Variants in CTNNA2 observed in about 807,000 individuals in gnomAD.
The protein encoded by CTNNA2 is catenin alpha 2.
Under a neutral mutation model 101.0 loss-of-function variants are expected in CTNNA2, and 42 were observed. The observed-to-expected ratio is 0.42, with a 90% CI of 0.32 to 0.54. The LOEUF (loss-of-function observed/expected upper bound fraction) is 0.54, where lower values mean the gene tolerates loss of function less well. CTNNA2 is among the 20% of genes least tolerant of loss of function. The pLI, the probability that CTNNA2 is intolerant of heterozygous loss-of-function variation, is 0.14. For synonymous variants in CTNNA2, 450 were observed against 456.4 expected, an observed-to-expected ratio of 0.99 and a Z score of 0.18; for missense variants, 871 against 1,223.1, an observed-to-expected ratio of 0.71 and a Z score of 4.29.
intron 2 of CTNNA2, among the ~76,000 whole-genome samples, chr2:79,275,297 G>A (rs1675183541): frequency 6.6e-6 from 1 of 151,908 alleles, no homozygotes; most frequent in Non-Finnish European, 1.5e-5. Context: ...CTAAGACCCC[G>A]GAAAAGATAA....
intron 1 of CTNNA2, among the ~76,000 whole-genome samples, chr2:79,623,232 A>G (rs1455730450): frequency 1.3e-5 from 2 of 152,054 alleles, no homozygotes; most frequent in African/African-American, 2.4e-5. Flanking sequence ...TGTATATGTT[A>G]TTTGCCATTT....
intron 2 of CTNNA2, among the ~76,000 whole-genome samples, chr2:79,728,028 C>T (rs1483952355): frequency 6.6e-6 from 1 of 152,118 alleles, no homozygotes; most frequent in Non-Finnish European, 1.5e-5. Context: ...AATAGTGCCA[C>T]AGTAAACATA....
At chr2:80,358,280 A>C (rs1341560488) in intron 7 of CTNNA2, among the ~76,000 whole-genome samples, 1 of 151,828 alleles carries the variant, frequency 6.6e-6, no homozygotes, top group Non-Finnish European at 1.5e-5. Flanking sequence ...CTGGCATGTA[A>C]TAGATATCAA....
At chr2:79,342,352 A>T (rs1003469847) in intron 3 of CTNNA2, among the ~76,000 whole-genome samples, 1 of 152,230 alleles carries the variant, frequency 6.6e-6, no homozygotes, top group African/African-American at 2.4e-5. Context: ...ATTTTGAAGC[A>T]AAATCTGGAC....
At chr2:79,623,585 A>G (rs544142116) in intron 1 of CTNNA2, among the ~76,000 whole-genome samples, 12 of 152,318 alleles carry the variant, frequency 7.9e-5, no homozygotes, top group African/African-American at 2.9e-4. Flanking sequence ...TCATAGTTCA[A>G]TTTTATATAT....
chr2:80,057,133 G>A (rs1295468584), intron 7 of CTNNA2, among the ~76,000 whole-genome samples: 1 of 150,050 alleles, frequency 6.7e-6, no homozygotes, highest in Non-Finnish European at 1.5e-5. Context: ...TTTACATAAA[G>A]CTTTTTAAAA....
chr2:80,328,682 T>C (rs1671042671), intron 7 of CTNNA2, among the ~76,000 whole-genome samples: 2 of 152,258 alleles, frequency 1.3e-5, no homozygotes. Flanking sequence ...GGTGTGTGAA[T>C]GTATTTGTGC....
intron 2 of CTNNA2, among the ~76,000 whole-genome samples, chr2:79,289,167 T>C (rs143172264): frequency 6.6e-6 from 1 of 152,208 alleles, no homozygotes; most frequent in East Asian, 1.9e-4. Context: ...TTATTGTCTT[T>C]GTGATTCGAG....
At chr2:79,332,658 TAG>T (rs1247772156) in intron 3 of CTNNA2, among the ~76,000 whole-genome samples, 1 of 152,186 alleles carries the variant, frequency 6.6e-6, no homozygotes, top group African/African-American at 2.4e-5. Context: ...GCTAAACAAT[TAG>T]AGTGTTGTAT....
At chr2:79,793,316 T>C (rs1675428753) in intron 3 of CTNNA2, among the ~76,000 whole-genome samples, 1 of 152,206 alleles carries the variant, frequency 6.6e-6, no homozygotes, top group African/African-American at 2.4e-5. Context: ...CAAATTCATG[T>C]TGGATCCCCT....
intron 3 of CTNNA2, among the ~76,000 whole-genome samples, chr2:79,829,166 G>T (rs1382931633): frequency 6.6e-6 from 1 of 152,096 alleles, no homozygotes; most frequent in Admixed American, 6.5e-5. Context: ...ATGTTTTGAT[G>T]ATCAGAGATA....
chr2:80,022,960 A>AT (rs1315600853), intron 7 of CTNNA2, among the ~76,000 whole-genome samples: 1 of 152,178 alleles, frequency 6.6e-6, no homozygotes, highest in Non-Finnish European at 1.5e-5. Flanking sequence ...AAAGACAACT[A>AT]TGTTGTCTTG....
chr2:79,701,207 C>T (rs1367092323), intron 2 of CTNNA2, among the ~76,000 whole-genome samples: 3 of 152,066 alleles, frequency 2.0e-5, no homozygotes, highest in Non-Finnish European at 2.9e-5. Context: ...CCACTTGTAT[C>T]CCACAGATGT....
At chr2:80,572,592 T>A (rs1420100480) in intron 12 of CTNNA2, 5 of 152,208 alleles carry the variant, frequency 3.3e-5, no homozygotes. Context: ...CAAATTCTAA[T>A]ATGTACAAAA....
At chr2:80,582,184 G>T (rs1050784293) in intron 14 of CTNNA2, among the ~76,000 whole-genome samples, 1 of 152,260 alleles carries the variant, frequency 6.6e-6, no homozygotes, top group Admixed American at 6.5e-5. Flanking sequence ...TCTTCCTGAA[G>T]TCTCCAAGCT....
At chr2:80,640,121 A>C (rs915827609) in intron 18 of CTNNA2, among the ~76,000 whole-genome samples, 1 of 151,888 alleles carries the variant, frequency 6.6e-6, no homozygotes, top group African/African-American at 2.4e-5. Flanking sequence ...AAAAAACAAA[A>C]AAGTCAGTAT....
intron 1 of CTNNA2, among the ~76,000 whole-genome samples, chr2:79,607,196 T>C (rs1677950618): frequency 6.6e-6 from 1 of 152,216 alleles, no homozygotes; most frequent in African/African-American, 2.4e-5. Context: ...GTTCATTTCA[T>C]AGTGATATAG....
At chr2:80,035,834 A>G (rs1695611431) in intron 7 of CTNNA2, among the ~76,000 whole-genome samples, 1 of 152,210 alleles carries the variant, frequency 6.6e-6, no homozygotes, top group African/African-American at 2.4e-5. Flanking sequence ...ACATCTGGCA[A>G]TCAATTTTCC....
intron 7 of CTNNA2, among the ~76,000 whole-genome samples, chr2:80,274,998 G>C (rs1313905528): frequency 1.3e-5 from 2 of 152,042 alleles, no homozygotes; most frequent in Non-Finnish European, 2.9e-5. Flanking sequence ...GCATATAGAA[G>C]GTATGTAATA....
Sources: allele counts gnomAD v4.1 joint callset (sites outside exome capture counted in the v4.1 genomes callset), GRCh38; gene constraint gnomAD v4.1.1; transcripts MANE v1.5; gene names NCBI Gene and HGNC (gene_info 2026-07-23, HGNC 2026-07-21).